Variants in NDE1 observed in about 807,000 individuals in gnomAD.
The protein encoded by NDE1 is nudE neurodevelopment protein 1, also known as nuclear distribution protein nudE homolog 1.
Under a neutral mutation model 43.4 loss-of-function variants are expected in NDE1, and 28 were observed. The ratio of observed to expected loss-of-function variants is 0.65; its 90% CI spans 0.48 to 0.89. The LOEUF (loss-of-function observed/expected upper bound fraction) is 0.89. NDE1 is among the 40% of genes least tolerant of loss of function. The pLI, the probability that NDE1 is intolerant of heterozygous loss-of-function variation, is 0.00. For synonymous variants in NDE1, 184 were observed against 172.0 expected (o/e 1.07, Z -0.55); for missense variants, 441 against 434.1 (o/e 1.02, Z -0.14).
intron 3 of NDE1, among the ~76,000 whole-genome samples, chr16:15,668,019 C>T (rs1452422876): frequency 2.0e-5 from 3 of 150,482 alleles, no homozygotes. Flanking sequence ...GACTGGAGTA[C>T]AGTGGCTGGA....
chr16:15,665,293 C>T (rs2037246534), intron 2 of NDE1, among the ~76,000 whole-genome samples: 1 of 152,078 alleles, frequency 6.6e-6, no homozygotes, highest in Non-Finnish European at 1.5e-5. Context: ...ATTAGCACCC[C>T]ATTATATAGA....
chr16:15,717,305 G>T lies in NDE1; in HGVS notation c.948-6886G>T. 6.2e-7 allele frequency: 1 copy of T among 1,612,078 alleles called. No individual in the cohort carries two copies. The highest frequency in any genetic ancestry group is 8.5e-7 in the Non-Finnish European group (1 of 1,180,018). On this transcript the variant is annotated intron_variant, in intron 8 of 8. Coordinates refer to ENST00000396354, the MANE Select transcript of NDE1 (RefSeq NM_017668.3). Reference sequence around the variant, plus strand: ...CTGCCGGGCACTCTCATTCTTCTGGGCCGTGCTGCGCTCTGTGGCCAGCTC... The same window carrying T: ...CTGCCGGGCACTCTCATTCTTCTGGTCCGTGCTGCGCTCTGTGGCCAGCTC...
Position 15,667,907 on chromosome 16 carries a change from CAT to C in NDE1, c.237+469_237+470del, listed in dbSNP as rs201451887. Among the ~76,000 whole-genome samples the C allele has an allele frequency of 6.9e-3, 1,053 of 151,800 alleles. 15 individuals are homozygous for C. The highest frequency in any genetic ancestry group is 0.025 in the African/African-American group (1,025 of 41,386). On this transcript the variant is annotated intron_variant, in intron 3 of 8. Transcript: ENST00000396354. ...GGAGCTTTGAGAAGCAAGTCACACA[CAT>C]GTTCCCGTGGACTTTCTTGGTTGTG...
intron 4 of NDE1, chr16:15,686,556 T>C (rs2038447857): frequency 1.0e-6 from 1 of 984,714 alleles, no homozygotes; most frequent in Non-Finnish European, 1.2e-6. Flanking sequence ...CTCATGCCTG[T>C]AATCTCAGTA....
rs2040735840 is a variant in NDE1, at chr16:15,725,998, G to A, written c.*1747G>A. The A allele has an allele frequency of 6.7e-6, 2 of 298,972 alleles. No homozygotes were observed. Among genetic ancestry groups the A allele is most frequent in the Non-Finnish European group, 1.2e-5 (2 of 163,732 alleles). The allele number at this position is 298,972 out of a possible 1,614,324, so 18.5% of individuals were successfully genotyped here. On this transcript the variant is annotated 3_prime_UTR_variant, in exon 9 of 9. Transcript: ENST00000396354. ...CCCAGCTGGGCACTCCAGCTCTACTGGCTGTATGTCTCTCTCCTAATTTTT... is the reference window on the plus strand; with the variant it reads ...CCCAGCTGGGCACTCCAGCTCTACTAGCTGTATGTCTCTCTCCTAATTTTT...
intron 8 of NDE1, among the ~76,000 whole-genome samples, chr16:15,722,580 C>G (rs2040542896): frequency 6.6e-6 from 1 of 152,134 alleles, no homozygotes; most frequent in African/African-American, 2.4e-5. Context: ...GGCCTTCAAC[C>G]AGATAACGAA....
chr16:15,667,281 T>C lies in NDE1; in HGVS notation c.84-5T>C, dbSNP rs587783872. 1.7e-5 allele frequency: 27 copies of C among 1,613,932 alleles called. No individual in the cohort carries two copies. Among genetic ancestry groups the C allele is most frequent in the Middle Eastern group, 1.6e-4 (1 of 6,084 alleles). On this transcript the variant is annotated splice_polypyrimidine_tract_variant and splice_region_variant and intron_variant, in intron 2 of 8. Transcript: ENST00000396354. ...ACTACGTGATGATTAACAATTTTGC[T>C]GTAGGGCAGAAAATACGCAAGAGGA...
At chr16:15,687,064 T>C in intron 4 of NDE1, 1 of 1,240,118 alleles carries the variant, frequency 8.1e-7, no homozygotes, top group South Asian at 1.6e-5. Context: ...ATAGTGGTCT[T>C]CTCAAACCAC....
rs141407532 is a variant in NDE1 at position 15,710,391 on chromosome 16, C to T, written c.947+13531C>T. On this transcript the variant is annotated intron_variant, in intron 8 of 8. Coordinates refer to ENST00000396354, the MANE Select transcript of NDE1 (RefSeq NM_017668.3). Reference sequence around the variant, plus strand: ...CAAAAATTAGCCAGGTGTGGTGGCACGCACCTGTAATCTCAGCTACTTGGG... The same window carrying T: ...CAAAAATTAGCCAGGTGTGGTGGCATGCACCTGTAATCTCAGCTACTTGGG... Among the ~76,000 whole-genome samples the T allele has an allele frequency of 1.3e-3, 194 of 152,190 alleles. No homozygotes were observed. In the East Asian group the frequency reaches 0.013, roughly 10 times the overall value.
intron 7 of NDE1, chr16:15,695,591 A>T (rs976020953): frequency 2.0e-6 from 2 of 985,086 alleles, no homozygotes; most frequent in Admixed American, 6.2e-5. Context: ...TTTGTGCTTA[A>T]GTAAAAACAT....
Position 15,694,377 on chromosome 16 carries a change from G to A in NDE1, c.795+121G>A, listed in dbSNP as rs978225688. 1.1e-5 allele frequency: 17 copies of A among 1,536,300 alleles called. No homozygotes were observed. The Admixed American group carries it at 2.4e-4, about 21-fold the overall frequency. Reference sequence around the variant, plus strand: ...TCTTTTTTTTTAGAGACAGGGTCTTGCTCTGTTGCTCAGGCTGGAGTGTAG... The same window carrying A: ...TCTTTTTTTTTAGAGACAGGGTCTTACTCTGTTGCTCAGGCTGGAGTGTAG... On this transcript the variant is annotated intron_variant, in intron 7 of 8. Transcript: ENST00000396354.
intron 3 of NDE1, among the ~76,000 whole-genome samples, chr16:15,671,837 C>G (rs549575811): frequency 6.6e-6 from 1 of 152,106 alleles, no homozygotes; most frequent in African/African-American, 2.4e-5. Context: ...ATTACAGGCA[C>G]CTGCCACACC....
chr16:15,654,620 A>C lies in NDE1; in HGVS notation c.-44+4326A>C, dbSNP rs1035733089. On this transcript the variant is annotated intron_variant, in intron 1 of 8. Transcript: ENST00000396354. ...TCCGACTCAAAAAAAAAAAAAACAA[A>C]AAAAAAAAAAACAAAACTGGACCAA... Among the ~76,000 whole-genome samples the C allele has an allele frequency of 3.4e-4, 51 of 149,902 alleles. 1 individual carries two copies. Among genetic ancestry groups the C allele is most frequent in the African/African-American group, 8.9e-4 (36 of 40,522 alleles).
upstream of NDE1, among the ~76,000 whole-genome samples, chr16:15,646,771 C>T (rs1053377758): frequency 6.6e-6 from 1 of 150,786 alleles, no homozygotes; most frequent in East Asian, 2.0e-4. Flanking sequence ...TAAGGGGAGG[C>T]TTGGTGTGGT....
intron 8 of NDE1, among the ~76,000 whole-genome samples, chr16:15,705,983 T>TAAAAAAAAA (rs1487522901): frequency 1.1e-4 from 1 of 8,908 alleles, no homozygotes; most frequent in Admixed American, 1.2e-3. Context: ...AGACTCCGTC[T>TAAAAAAAAA]CAAAAAAAAA....
intron 8 of NDE1, chr16:15,700,038 G>A: frequency 8.5e-7 from 1 of 1,181,886 alleles, no homozygotes; most frequent in Non-Finnish European, 1.1e-6. Context: ...GCCACCGTGT[G>A]CATTGCAAAG....
At chr16:15,720,843 C>G in intron 8 of NDE1, 1 of 1,613,584 alleles carries the variant, frequency 6.2e-7, no homozygotes, top group South Asian at 1.1e-5. Flanking sequence ...ACGCACCTGT[C>G]TCTGCAGTTG....
chr16:15,703,779 G>A (rs1294889455), intron 8 of NDE1: 8 of 650,690 alleles, frequency 1.2e-5, no homozygotes, highest in Non-Finnish European at 2.2e-5. Flanking sequence ...GTATAGATGA[G>A]GTTTTACTAC....
chr16:15,713,459 C>G (rs1776230128), intron 8 of NDE1: 1 of 151,704 alleles, frequency 6.6e-6, no homozygotes, highest in African/African-American at 2.4e-5. Context: ...GTGGGAGGAC[C>G]CCTGAGCAAG....
Sources: gnomAD v4.1 joint callset for allele counts (sites outside exome capture counted in the v4.1 genomes callset) on GRCh38, gnomAD v4.1.1 for gene constraint, MANE v1.5 for transcripts, NCBI Gene and HGNC (gene_info 2026-07-23, HGNC 2026-07-21) for gene names.